LRIG3: variants seen among roughly 807,000 people sequenced by gnomAD.
The protein encoded by LRIG3 is leucine rich repeats and immunoglobulin like domains 3.
LRIG3 carries 76 observed loss-of-function variants against 114.5 expected under a neutral mutation model. The ratio of observed to expected loss-of-function variants is 0.66; its 90% CI spans 0.55 to 0.80. The LOEUF (loss-of-function observed/expected upper bound fraction) is 0.80. Among genes scored for constraint, LRIG3 ranks in the 30% least tolerant of loss-of-function variants. The pLI is 0.00. For synonymous variants in LRIG3, 512 were observed against 519.8 expected (o/e 0.98, Z 0.20); for missense variants, 1,239 against 1,382.8 (o/e 0.90, Z 1.65).
chr12:58,917,704 GAT>G (rs1872531613), intron 1 of LRIG3, among the ~76,000 whole-genome samples: 1 of 152,228 alleles, frequency 6.6e-6, no homozygotes, highest in East Asian at 1.9e-4. Context: ...TGAAACAAAA[GAT>G]AGACACTGAA....
At chr12:58,879,809 C>T (rs1205308182) in intron 13 of LRIG3, among the ~76,000 whole-genome samples, 1 of 152,156 alleles carries the variant, frequency 6.6e-6, no homozygotes, top group Non-Finnish European at 1.5e-5. Flanking sequence ...GAGCATAATG[C>T]CTCTAGGGGG....
At chr12:58,879,624 C>T (rs535839479) in intron 13 of LRIG3, among the ~76,000 whole-genome samples, 286 of 152,290 alleles carry the variant, frequency 1.9e-3, no homozygotes, top group Admixed American at 4.6e-3. Context: ...TCTTCTACCA[C>T]GGCAGATACA....
chr12:58,895,587 A>G (rs1223888083), intron 3 of LRIG3, among the ~76,000 whole-genome samples: 1 of 152,198 alleles, frequency 6.6e-6, no homozygotes, highest in Admixed American at 6.5e-5. Flanking sequence ...ACAGCAGTCA[A>G]GTTGGGCCCT....
chr12:58,872,390 G>A lies in LRIG3; in HGVS notation c.*182C>T, dbSNP rs995734812. 8.2e-6 allele frequency: 4 copies of A among 486,216 alleles called. No individual in the cohort carries two copies. The highest frequency in any genetic ancestry group is 3.5e-5 in the East Asian group (1 of 28,890). The allele number at this position is 486,216 out of a possible 1,614,324, so 30.1% of individuals were successfully genotyped here. ...ATAGTTTAAAAAGGTATTCTTATAT[G>A]AGCATCATTCCCAGTATAAAAATTT... On this transcript the variant is annotated 3_prime_UTR_variant, in exon 19 of 19. Transcript: ENST00000320743.
At chr12:58,883,421 G>T in intron 11 of LRIG3, 99 bp downstream of exon 11, 1 of 741,794 alleles carries the variant, frequency 1.3e-6, no homozygotes. Flanking sequence ...TTAAGAATGT[G>T]CCAGGCACTT....
chr12:58,880,299 CAAA>C (rs11442337), intron 13 of LRIG3: 281 of 339,358 alleles, frequency 8.3e-4, no homozygotes, highest in East Asian at 1.0e-3. Context: ...GATTCCGTCT[CAAA>C]AAAAAAAAAA....
intron 13 of LRIG3, 97 bp from the exon 14 acceptor site, chr12:58,879,202 A>G: frequency 7.3e-7 from 1 of 1,361,840 alleles, no homozygotes. Context: ...TGATACTTAC[A>G]GATTGTCCCT....
chr12:58,877,323 C>T, intron 15 of LRIG3, 77 bp downstream of exon 15: 2 of 1,427,038 alleles, frequency 1.4e-6, no homozygotes, highest in Non-Finnish European at 9.7e-7. Flanking sequence ...GACTGCAAGA[C>T]ACACGTTCTA....
At chr12:58,888,520 A>G (rs1452886073) in intron 6 of LRIG3, 48 bp from the exon 7 acceptor site, 1 of 1,602,294 alleles carries the variant, frequency 6.2e-7, no homozygotes, top group Non-Finnish European at 8.5e-7. Context: ...TTCATTATCT[A>G]GTCTCTTCAA....
chr12:58,908,159 C>T (rs1872137116), intron 3 of LRIG3, among the ~76,000 whole-genome samples: 1 of 152,130 alleles, frequency 6.6e-6, no homozygotes, highest in Non-Finnish European at 1.5e-5. Context: ...CCACATCTCG[C>T]GGCATTAGGT....
intron 4 of LRIG3, among the ~76,000 whole-genome samples, chr12:58,890,461 T>TA (rs992599550): frequency 3.3e-5 from 5 of 152,194 alleles, no homozygotes; most frequent in Non-Finnish European, 5.9e-5. Flanking sequence ...GGTTTTCTAA[T>TA]AAAAAATATG....
At chr12:58,889,050 A>T in intron 5 of LRIG3, 88 bp from the exon 6 acceptor site, 2 of 1,261,594 alleles carry the variant, frequency 1.6e-6, no homozygotes, top group Non-Finnish European at 2.2e-6. Flanking sequence ...ATATAGTTCA[A>T]CCAGTCAGTG....
chr12:58,893,076 C>A (rs1375379878), intron 3 of LRIG3, among the ~76,000 whole-genome samples: 1 of 152,182 alleles, frequency 6.6e-6, no homozygotes, highest in African/African-American at 2.4e-5. Flanking sequence ...TCTGTGCTTG[C>A]CCACTTTGCA....
rs540439876 is a variant in LRIG3 at position 58,920,492 on chromosome 12, C to G, written c.-257G>C. ...TGAGCAGCGTCGGCTCGCCGAAGCC[C>G]CTTCTTGTCTGCAAAAGAAACTTTT... On this transcript the variant is annotated 5_prime_UTR_variant, in exon 1 of 19. Transcript: ENST00000320743. The G allele has an allele frequency of 5.6e-6, 2 of 356,476 alleles. No individual in the cohort carries two copies. The highest frequency in any genetic ancestry group is 4.2e-5 in the African/African-American group (2 of 47,264). 22.1% of individuals were successfully genotyped at this position (356,476 alleles called of 1,614,324 possible). A position where few individuals can be genotyped will look rare whatever the true frequency, so the allele number is the denominator to read the frequency against.
At chr12:58,874,715 AG>A (rs1488931599) in intron 16 of LRIG3, 142 bp from the exon 17 acceptor site, 3 of 1,025,276 alleles carry the variant, frequency 2.9e-6, no homozygotes, top group Non-Finnish European at 4.2e-6. Context: ...AATTTACAGT[AG>A]GGTTTTAAAA....
At chr12:58,890,353 T>C (rs754445954) in intron 4 of LRIG3, among the ~76,000 whole-genome samples, 8 of 152,236 alleles carry the variant, frequency 5.3e-5, no homozygotes, top group Non-Finnish European at 1.2e-4. Flanking sequence ...AATTTTTTTA[T>C]AAATATCCAC....
intron 3 of LRIG3, among the ~76,000 whole-genome samples, chr12:58,906,649 C>T (rs916495906): frequency 5.3e-5 from 8 of 152,130 alleles, no homozygotes; most frequent in African/African-American, 1.9e-4. Context: ...CTACCCTATT[C>T]ATCATTCATA....
rs764146710 is a variant in LRIG3, at chr12:58,876,464, T to C, written c.2676A>G (p.Leu892=). Residue 892 remains leucine (L), a synonymous_variant, in exon 16 of 19, where the codon TTA becomes TTG. Coordinates refer to ENST00000320743, the MANE Select transcript of LRIG3 (RefSeq NM_153377.5). ...ACTTACCACTACTGTCATGTTGTGG[T>C]AAGAAAAATCCAGCACCTGAAGATG... The part of the protein sequence containing the change: ...FVTSSGAGFF[L]PQHDSSGTCH... 8 of 1,614,080 alleles carry C rather than the reference T, an allele frequency of 5.0e-6. No homozygotes were observed. In the Admixed American group the frequency reaches 6.7e-5, roughly 13 times the overall value.
chr12:58,906,627 C>T (rs1341833338), intron 3 of LRIG3, among the ~76,000 whole-genome samples: 1 of 152,074 alleles, frequency 6.6e-6, no homozygotes, highest in African/African-American at 2.4e-5. Context: ...TTTGTGATCA[C>T]TATGGCCAAC....
Sources: allele counts gnomAD v4.1 joint callset (sites outside exome capture counted in the v4.1 genomes callset), GRCh38; gene constraint gnomAD v4.1.1; transcripts MANE v1.5; gene names NCBI Gene and HGNC (gene_info 2026-07-23, HGNC 2026-07-21).